The following SMOC1 variants were observed in gnomAD, a reference collection of about 807,000 sequenced individuals.
SMOC1 encodes SPARC-related modular calcium-binding protein 1.
In SMOC1, 22 loss-of-function variants were observed where a neutral mutation model predicts 56.3. The ratio of observed to expected loss-of-function variants is 0.39; its 90% confidence interval spans 0.28 to 0.56. SMOC1 has a LOEUF of 0.56. SMOC1 is among the 20% of genes least tolerant of loss of function. The pLI, the probability that SMOC1 is intolerant of heterozygous loss-of-function variation, is 0.61. For synonymous variants in SMOC1, 193 were observed against 215.0 expected (o/e 0.90, Z 0.89); for missense variants, 509 against 565.4 (o/e 0.90, Z 1.01).
At chr14:69,940,268 A>C (rs1436334740) in intron 1 of SMOC1, among the ~76,000 whole-genome samples, 1 of 152,112 alleles carries the variant, frequency 6.6e-6, no homozygotes, top group Non-Finnish European at 1.5e-5. Context: ...CACATCTCAC[A>C]TATCACTGGG....
At chr14:70,027,207 C>T (rs927708381) in intron 11 of SMOC1, among the ~76,000 whole-genome samples, 8 of 152,144 alleles carry the variant, frequency 5.3e-5, no homozygotes, top group Non-Finnish European at 1.0e-4. Context: ...AGAGGAGTAG[C>T]GATTTGCTCA....
intron 1 of SMOC1, among the ~76,000 whole-genome samples, chr14:69,929,372 A>T (rs550820691): frequency 6.6e-6 from 1 of 152,302 alleles, no homozygotes; most frequent in Admixed American, 6.5e-5. Context: ...ATTCCTCATG[A>T]CCAATCCATG....
chr14:69,996,985 C>A (rs964945483), intron 7 of SMOC1, among the ~76,000 whole-genome samples: 1 of 152,160 alleles, frequency 6.6e-6, no homozygotes, highest in Non-Finnish European at 1.5e-5. Flanking sequence ...GTGTCTGTGA[C>A]CATTTTCATC....
At chr14:70,006,538 C>T (rs1328858353) in intron 7 of SMOC1, among the ~76,000 whole-genome samples, 2 of 152,286 alleles carry the variant, frequency 1.3e-5, no homozygotes, top group African/African-American at 2.4e-5. Flanking sequence ...TACAAAAATA[C>T]GTACAGGGTA....
intron 1 of SMOC1, chr14:69,885,243 T>G: frequency 1.3e-6 from 1 of 759,870 alleles, no homozygotes; most frequent in Non-Finnish European, 2.0e-6. Flanking sequence ...TTAGGAACGA[T>G]TACTCTCTCC....
intron 10 of SMOC1, among the ~76,000 whole-genome samples, chr14:70,018,500 A>G (rs1176098433): frequency 6.6e-6 from 1 of 152,192 alleles, no homozygotes; most frequent in Non-Finnish European, 1.5e-5. Context: ...AATGGATGAT[A>G]GTCCCTCTTG....
At chr14:69,885,889 G>C in intron 1 of SMOC1, 4 of 1,598,854 alleles carry the variant, frequency 2.5e-6, no homozygotes, top group Non-Finnish European at 3.4e-6. Flanking sequence ...CCAGGGCCTG[G>C]GTGAACTGGT....
In SMOC1 at chr14:69,885,905, G is replaced by T. The variant is rs959979662; in HGVS notation, c.99+6128G>T. On this transcript the variant is annotated intron_variant, in intron 1 of 11. Transcript: ENST00000361956. Reference sequence around the variant, plus strand: ...CAGGGCCTGGGTGAACTGGTTAATCGCAGGAGGCACTTTCAGCCGCTTATA... The same window carrying T: ...CAGGGCCTGGGTGAACTGGTTAATCTCAGGAGGCACTTTCAGCCGCTTATA... 9 of 1,595,742 alleles carry T rather than the reference G, an allele frequency of 5.6e-6. No individual in the cohort carries two copies. The African/African-American group carries it at 9.4e-5, about 17-fold the overall frequency.
chr14:70,009,399 C>T (rs1192719415), intron 7 of SMOC1, among the ~76,000 whole-genome samples: 4 of 152,174 alleles, frequency 2.6e-5, no homozygotes, highest in South Asian at 4.1e-4. Flanking sequence ...TTTAAACATG[C>T]GTGCTTTACC....
chr14:69,920,537 C>G (rs973869998), intron 1 of SMOC1, among the ~76,000 whole-genome samples: 1 of 152,310 alleles, frequency 6.6e-6, no homozygotes, highest in Non-Finnish European at 1.5e-5. Flanking sequence ...TTCTGTCCTC[C>G]CATCCCAATG....
At chr14:69,968,841 G>C (rs938422881) in intron 3 of SMOC1, among the ~76,000 whole-genome samples, 1 of 152,202 alleles carries the variant, frequency 6.6e-6, no homozygotes, top group Non-Finnish European at 1.5e-5. Flanking sequence ...AATCAAGCCT[G>C]TCCCATTGCA....
chr14:70,013,337 A>G, intron 9 of SMOC1, 49 bp from the exon 10 acceptor site: 1 of 1,512,532 alleles, frequency 6.6e-7, no homozygotes, highest in Non-Finnish European at 9.2e-7. Context: ...AAAGCTGTTG[A>G]CTTGATTATT....
chr14:69,955,662 C>A, intron 3 of SMOC1, among the ~76,000 whole-genome samples: 1 of 150,346 alleles, frequency 6.7e-6, no homozygotes, highest in Non-Finnish European at 1.5e-5. Context: ...ATCTTTCTAT[C>A]ATGTCGATAC....
Position 69,992,434 on chromosome 14 carries a change from A to G in SMOC1, c.544A>G (p.Thr182Ala). 6.2e-7 allele frequency: 1 copy of G among 1,614,112 alleles called. No individual in the cohort carries two copies. Among genetic ancestry groups the G allele is most frequent in the Non-Finnish European group, 8.5e-7 (1 of 1,179,992 alleles). The stretch of plus-strand genomic sequence containing the variant: ...CAATTCAGATGACGGGTCTAAGCCG[A>G]CACCCACGATGGAGACCCAGCCGGT... ...SGRKDDGSKP[T>A]PTMETQPVFD... Residue 182 changes from threonine (T) to alanine (A), a missense_variant, in exon 6 of 12, where the codon ACA becomes GCA. Transcript: ENST00000361956.
At chr14:69,989,563 G>A (rs563926608) in intron 5 of SMOC1, among the ~76,000 whole-genome samples, 4 of 152,320 alleles carry the variant, frequency 2.6e-5, no homozygotes, top group South Asian at 2.1e-4. Flanking sequence ...AAAGTGTCCC[G>A]AGATTTTGTA....
chr14:69,960,716 T>A (rs1049478618), intron 3 of SMOC1, among the ~76,000 whole-genome samples: 1 of 152,202 alleles, frequency 6.6e-6, no homozygotes, highest in African/African-American at 2.4e-5. Flanking sequence ...AACCAGTTAA[T>A]GTACAGTGAT....
At chr14:69,943,683 C>A (rs558042381) in intron 1 of SMOC1, among the ~76,000 whole-genome samples, 41 of 152,316 alleles carry the variant, frequency 2.7e-4, no homozygotes, top group East Asian at 5.8e-4. Context: ...CTTTCCCCCC[C>A]CTTTCAATAG....
intron 1 of SMOC1, among the ~76,000 whole-genome samples, chr14:69,929,714 C>G (rs116283262): frequency 6.6e-6 from 1 of 152,042 alleles, no homozygotes; most frequent in East Asian, 1.9e-4. Flanking sequence ...TATGATCTCC[C>G]GGGGGAAAAG....
At chr14:69,960,983 A>G (rs1883348788) in intron 3 of SMOC1, among the ~76,000 whole-genome samples, 1 of 152,270 alleles carries the variant, frequency 6.6e-6, no homozygotes, top group East Asian at 1.9e-4. Context: ...ATTCACAGTT[A>G]TGCAACCATC....
Sources: allele counts gnomAD v4.1 joint callset (sites outside exome capture counted in the v4.1 genomes callset), GRCh38; gene constraint gnomAD v4.1.1; transcripts MANE v1.5; gene names NCBI Gene and HGNC (gene_info 2026-07-23, HGNC 2026-07-21).